The following CRYZ variants were observed in gnomAD, a reference collection of about 807,000 sequenced individuals.
The protein encoded by CRYZ is crystallin zeta, also known as zeta-crystallin.
CRYZ carries 35 observed loss-of-function variants against 34.1 expected under a neutral mutation model. That is an observed-to-expected ratio of 1.03 (90% confidence interval 0.78 to 1.36). The LOEUF (loss-of-function observed/expected upper bound fraction) is 1.36, where lower values mean the gene tolerates loss of function less well. CRYZ is among the 40% of genes most tolerant of loss of function. The pLI, the probability that CRYZ is intolerant of heterozygous loss-of-function variation, is 0.00. For missense variants in CRYZ, 403 were observed against 391.8 expected (o/e 1.03, Z -0.24); for synonymous variants, 137 against 136.5 (o/e 1.00, Z -0.03).
chr1:74,724,838 AG>A lies in CRYZ; in HGVS notation c.-13-5del, dbSNP rs748464792. The A allele has an allele frequency of 6.6e-7, 1 of 1,520,408 alleles. No homozygotes were observed. The highest frequency in any genetic ancestry group is 9.1e-7 in the Non-Finnish European group (1 of 1,101,798). The allele number at this position is 1,520,408 out of a possible 1,614,324, so 94.2% of individuals were successfully genotyped here. A position where few individuals can be genotyped will look rare whatever the true frequency, so the allele number is the denominator to read the frequency against. ...AGTCGCCATGGTGATCTAGATACTAAGGAAGAAAAAAAATTAATGTATTGTC... is the reference window on the plus strand; with the variant it reads ...AGTCGCCATGGTGATCTAGATACTAAGAAGAAAAAAAATTAATGTATTGTC... On this transcript the variant is annotated splice_region_variant and splice_polypyrimidine_tract_variant and intron_variant, in intron 1 of 8. Coordinates refer to ENST00000340866, the MANE Select transcript of CRYZ (RefSeq NM_001889.4).
chr1:74,710,133 T>A lies in CRYZ; in HGVS notation c.595A>T (p.Asn199Tyr). Residue 199 changes from asparagine (N) to tyrosine (Y), a missense_variant, in exon 6 of 9, where the codon AAT becomes TAT. Coordinates refer to ENST00000340866, the MANE Select transcript of CRYZ (RefSeq NM_001889.4). ...TCAATGTAATTCACTTCTCTGTGATTGAACACTTCATGGGCTCCATTTTGC... is the reference window on the plus strand; with the variant it reads ...TCAATGTAATTCACTTCTCTGTGATAGAACACTTCATGGGCTCCATTTTGC... Reference protein sequence around the residue: ...VLQNGAHEVFNHREVNYIDKI... With the variant: ...VLQNGAHEVFYHREVNYIDKI... 6.2e-7 allele frequency: 1 copy of A among 1,613,736 alleles called. No individual in the cohort carries two copies. The highest frequency in any genetic ancestry group is 1.1e-5 in the South Asian group (1 of 91,054).
intron 1 of CRYZ, among the ~76,000 whole-genome samples, chr1:74,727,992 A>T (rs1382745938): frequency 6.6e-6 from 1 of 152,224 alleles, no homozygotes; most frequent in Non-Finnish European, 1.5e-5. Flanking sequence ...TGTAATATTA[A>T]ACAATATGTG....
intron 4 of CRYZ, among the ~76,000 whole-genome samples, chr1:74,714,831 A>G (rs1647050492): frequency 6.6e-6 from 1 of 152,160 alleles, no homozygotes; most frequent in African/African-American, 2.4e-5. Flanking sequence ...CCTTGAACAA[A>G]TATTTATTGG....
At chr1:74,722,980 ACT>A in intron 3 of CRYZ, 136 bp downstream of exon 3, 1 of 757,516 alleles carries the variant, frequency 1.3e-6, no homozygotes, top group South Asian at 1.9e-5. Flanking sequence ...TCCTTTTTTG[ACT>A]AGAGGAGTCC....
intron 1 of CRYZ, among the ~76,000 whole-genome samples, chr1:74,728,427 C>A (rs182758435): frequency 2.0e-5 from 3 of 152,294 alleles, no homozygotes; most frequent in Admixed American, 2.0e-4. Flanking sequence ...TTGACTATAT[C>A]CCCATAATTT....
intron 5 of CRYZ, 97 bp from the exon 6 acceptor site, chr1:74,710,344 C>T (rs1182051059): frequency 6.8e-6 from 8 of 1,180,176 alleles, no homozygotes; most frequent in Non-Finnish European, 9.3e-6. Context: ...AGGACCCACC[C>T]TAACTTTAAG....
intron 4 of CRYZ, 57 bp downstream of exon 4, chr1:74,719,152 C>G (rs1256701963): frequency 6.5e-7 from 1 of 1,542,550 alleles, no homozygotes; most frequent in Admixed American, 1.7e-5. Context: ...AGAAGGCAGG[C>G]AGTTAACACT....
At chr1:74,719,681 A>G (rs1469574336) in intron 3 of CRYZ, among the ~76,000 whole-genome samples, 1 of 151,916 alleles carries the variant, frequency 6.6e-6, no homozygotes, top group Non-Finnish European at 1.5e-5. Flanking sequence ...TTTTTAGTAG[A>G]GACGGGGTTT....
intron 1 of CRYZ, among the ~76,000 whole-genome samples, chr1:74,729,671 C>A (rs1647596035): frequency 6.7e-6 from 1 of 149,248 alleles, no homozygotes; most frequent in Non-Finnish European, 1.5e-5. Context: ...AAGCAGCAGA[C>A]TAGAGAAGTC....
chr1:74,725,975 G>C (rs1411720312), intron 1 of CRYZ, among the ~76,000 whole-genome samples: 1 of 152,218 alleles, frequency 6.6e-6, no homozygotes, highest in Admixed American at 6.5e-5. Context: ...TGATAAAAGA[G>C]GTGGGTTCCC....
chr1:74,717,814 C>T (rs1647097878), intron 4 of CRYZ, among the ~76,000 whole-genome samples: 1 of 152,170 alleles, frequency 6.6e-6, no homozygotes, highest in African/African-American at 2.4e-5. Context: ...GGAATCCTTT[C>T]GGTCTCTTAC....
intron 1 of CRYZ, chr1:74,732,639 G>A (rs1647887118): frequency 7.0e-6 from 1 of 143,688 alleles, no homozygotes; most frequent in South Asian, 2.3e-4. Flanking sequence ...TGGGGGACAG[G>A]GAGTGCGGGG....
intron 3 of CRYZ, among the ~76,000 whole-genome samples, chr1:74,722,230 A>G (rs560236701): frequency 2.6e-4 from 39 of 152,278 alleles, no homozygotes; most frequent in African/African-American, 8.4e-4. Context: ...AGGAGAACAG[A>G]AGAAAATGAT....
At position 74,712,565 on chromosome 1, in the gene CRYZ, C is replaced by T. The variant is rs137996196; in HGVS notation, c.480+2014G>A. 7.9e-5 allele frequency among the ~76,000 whole-genome samples: 12 copies of T among 152,220 alleles called. No homozygotes were observed. In the East Asian group the frequency reaches 1.4e-3, roughly 17 times the overall value. The stretch of plus-strand genomic sequence containing the variant: ...AAGATTGTATGGCACATGGGAATAA[C>T]GAGGCTGGACTCAGCCAGGTTATGG... On this transcript the variant is annotated intron_variant, in intron 5 of 8. Transcript: ENST00000340866.
chr1:74,724,144 G>A (rs749106527), intron 2 of CRYZ, among the ~76,000 whole-genome samples: 24 of 152,276 alleles, frequency 1.6e-4, no homozygotes, highest in South Asian at 8.3e-4. Flanking sequence ...ACATGGAGAG[G>A]AAGTGATGAG....
At chr1:74,717,056 C>A (rs988896924) in intron 4 of CRYZ, among the ~76,000 whole-genome samples, 2 of 152,160 alleles carry the variant, frequency 1.3e-5, no homozygotes, top group Non-Finnish European at 2.9e-5. Flanking sequence ...AACACTCCAT[C>A]TCCCTATCCA....
intron 5 of CRYZ, among the ~76,000 whole-genome samples, chr1:74,714,246 A>C (rs1346253470): frequency 6.6e-6 from 1 of 152,202 alleles, no homozygotes; most frequent in East Asian, 1.9e-4. Flanking sequence ...TATCAACCTT[A>C]AAGAACTGTT....
At chr1:74,729,933 C>A (rs1226124641) in intron 1 of CRYZ, among the ~76,000 whole-genome samples, 2 of 152,050 alleles carry the variant, frequency 1.3e-5, no homozygotes, top group Non-Finnish European at 2.9e-5. Context: ...CCCCACCCTG[C>A]CCCTAGCTTC....
At chr1:74,710,543 T>TA (rs1646987981) in intron 5 of CRYZ, among the ~76,000 whole-genome samples, 1 of 152,216 alleles carries the variant, frequency 6.6e-6, no homozygotes, top group African/African-American at 2.4e-5. Flanking sequence ...AAATTATAAG[T>TA]AATTTGGCCA....
Sources: gnomAD v4.1 joint callset for allele counts (sites outside exome capture counted in the v4.1 genomes callset) on GRCh38, gnomAD v4.1.1 for gene constraint, MANE v1.5 for transcripts, NCBI Gene and HGNC (gene_info 2026-07-23, HGNC 2026-07-21) for gene names.